The following NDC1 variants were observed in gnomAD, a reference collection of about 807,000 sequenced individuals.
NDC1 encodes NDC1 transmembrane nucleoporin.
Under a neutral mutation model 89.8 loss-of-function variants are expected in NDC1, and 24 were observed. That is an observed-to-expected ratio of 0.27 (90% CI 0.19 to 0.38). The LOEUF is 0.38. Among genes scored for constraint, NDC1 ranks in the 10% least tolerant of loss-of-function variants. The pLI, the probability that NDC1 is intolerant of heterozygous loss-of-function variation, is 1.00. For synonymous variants in NDC1, 296 were observed against 284.8 expected (o/e 1.04, Z -0.39); for missense variants, 728 against 797.6 (o/e 0.91, Z 1.05).
In NDC1 at chr1:53,827,794, T is replaced by C. The variant is rs2064458; in HGVS notation, c.455+205A>G. On this transcript the variant is annotated intron_variant, in intron 4 of 17. Coordinates refer to ENST00000371429, the MANE Select transcript of NDC1 (RefSeq NM_018087.5). ...ATAGTCTATGTTTGAGTCACTCTCA[T>C]AAATCGCATAGCACCTTGCACATAA... Among the ~76,000 whole-genome samples, 98 of 152,340 alleles carry C rather than the reference T, an allele frequency of 6.4e-4. 1 individual carries two copies. The highest frequency in any genetic ancestry group is 2.2e-3 in the African/African-American group (93 of 41,576).
At chr1:53,807,574 G>T in intron 8 of NDC1, 82 bp downstream of exon 8, 1 of 1,203,242 alleles carries the variant, frequency 8.3e-7, no homozygotes, top group Non-Finnish European at 1.2e-6. Flanking sequence ...TTTTGCGTGT[G>T]CTGATCAGTG....
At chr1:53,816,413 T>C (rs1312061305) in intron 6 of NDC1, among the ~76,000 whole-genome samples, 1 of 152,160 alleles carries the variant, frequency 6.6e-6, no homozygotes, top group African/African-American at 2.4e-5. Flanking sequence ...AGAATGAAAC[T>C]GGATCCTCAT....
chr1:53,803,091 GCT>G (rs1647975993), intron 10 of NDC1, among the ~76,000 whole-genome samples: 1 of 151,988 alleles, frequency 6.6e-6, no homozygotes, highest in African/African-American at 2.4e-5. Flanking sequence ...AGGGGGACAG[GCT>G]CTCACTTTGT....
At chr1:53,802,147 C>T (rs760185406) in intron 10 of NDC1, among the ~76,000 whole-genome samples, 1 of 152,088 alleles carries the variant, frequency 6.6e-6, no homozygotes, top group Non-Finnish European at 1.5e-5. Flanking sequence ...GTATAGAATT[C>T]CTATGTTAAC....
chr1:53,785,647 A>G (rs1011819078), intron 16 of NDC1, among the ~76,000 whole-genome samples: 3 of 152,142 alleles, frequency 2.0e-5, no homozygotes, highest in Admixed American at 1.3e-4. Context: ...ATCTTGGCTC[A>G]CTGCAACCTC....
In NDC1 at chr1:53,814,067, T is replaced by G. The variant is rs548737296; in HGVS notation, c.704-4321A>C. Among the ~76,000 whole-genome samples, 3 of 152,196 alleles carry G rather than the reference T, an allele frequency of 2.0e-5. No homozygotes were observed. The South Asian group carries it at 6.2e-4, about 32-fold the overall frequency. ...TAAATCAAGATGGAAATTAAAAAAT[T>G]TTTTGGCTGGGCGCAGTGGCTCATG... On this transcript the variant is annotated intron_variant, in intron 6 of 17. Transcript: ENST00000371429.
intron 1 of NDC1, among the ~76,000 whole-genome samples, chr1:53,836,656 T>C (rs1170413190): frequency 6.6e-6 from 1 of 151,846 alleles, no homozygotes; most frequent in African/African-American, 2.4e-5. Context: ...CCACCACACC[T>C]GACTAATTTT....
chr1:53,782,599 G>A (rs1164830384), intron 16 of NDC1, among the ~76,000 whole-genome samples: 6 of 152,230 alleles, frequency 3.9e-5, no homozygotes, highest in African/African-American at 1.4e-4. Flanking sequence ...ACATGAAACG[G>A]CTGTGCCTGG....
intron 13 of NDC1, 62 bp from the exon 14 acceptor site, chr1:53,793,341 C>A: frequency 2.3e-6 from 3 of 1,301,166 alleles, no homozygotes; most frequent in Non-Finnish European, 3.3e-6. Flanking sequence ...AAATATAACA[C>A]ATTTCCTAGT....
chr1:53,795,467 G>T (rs1240133241), intron 13 of NDC1, among the ~76,000 whole-genome samples: 1 of 151,976 alleles, frequency 6.6e-6, no homozygotes, highest in Non-Finnish European at 1.5e-5. Context: ...TCAAACTCCT[G>T]ATTTCCCTCC....
In NDC1 at chr1:53,793,284, G is replaced by T; in HGVS notation, c.1585-5C>A. ...TTTTGACAAGAAATTCTTAATCTGA[G>T]TTGGAAAAAAGGAAGAATTAACACA... On this transcript the variant is annotated splice_region_variant and splice_polypyrimidine_tract_variant and intron_variant, in intron 13 of 17. Transcript: ENST00000371429. 1.2e-6 allele frequency: 2 copies of T among 1,604,574 alleles called. No homozygotes were observed. The highest frequency in any genetic ancestry group is 1.7e-6 in the Non-Finnish European group (2 of 1,171,678).
chr1:53,830,637 G>A (rs1206812301), intron 3 of NDC1, among the ~76,000 whole-genome samples: 2 of 152,110 alleles, frequency 1.3e-5, no homozygotes, highest in South Asian at 2.1e-4. Flanking sequence ...GAGGCAGGCC[G>A]ATCACCTGAG....
At chr1:53,772,973 T>C (rs1647132055) in intron 16 of NDC1, among the ~76,000 whole-genome samples, 1 of 151,884 alleles carries the variant, frequency 6.6e-6, no homozygotes, top group African/African-American at 2.4e-5. Context: ...AAATCCAGAC[T>C]TGCCCTTGGA....
intron 6 of NDC1, among the ~76,000 whole-genome samples, chr1:53,813,954 G>C (rs937539581): frequency 6.6e-6 from 1 of 152,138 alleles, no homozygotes; most frequent in African/African-American, 2.4e-5. Flanking sequence ...GAATAAAACT[G>C]GAAATCAACT....
At chr1:53,781,816 G>A (rs1435678846) in intron 16 of NDC1, among the ~76,000 whole-genome samples, 1 of 152,036 alleles carries the variant, frequency 6.6e-6, no homozygotes, top group South Asian at 2.1e-4. Context: ...ACAAAAAGAT[G>A]GTTTGGGAGC....
At chr1:53,780,944 C>T (rs2100629638) in intron 16 of NDC1, among the ~76,000 whole-genome samples, 1 of 151,854 alleles carries the variant, frequency 6.6e-6, no homozygotes, top group East Asian at 1.9e-4. Flanking sequence ...GCCTCAAATT[C>T]CTGAGCTTAA....
At chr1:53,777,393 G>T (rs898338388) in intron 16 of NDC1, among the ~76,000 whole-genome samples, 18 of 152,018 alleles carry the variant, frequency 1.2e-4, no homozygotes, top group Admixed American at 3.9e-4. Context: ...AAGAATAAAG[G>T]TCATAAAATA....
At chr1:53,827,978 G>A in intron 4 of NDC1, 21 bp downstream of exon 4, 1 of 1,562,534 alleles carries the variant, frequency 6.4e-7, no homozygotes, top group Non-Finnish European at 8.7e-7. Flanking sequence ...GATTCCTAAG[G>A]AAATATATAT....
chr1:53,779,223 C>A (rs769163170), intron 16 of NDC1, among the ~76,000 whole-genome samples: 25 of 151,786 alleles, frequency 1.6e-4, no homozygotes, highest in Non-Finnish European at 3.1e-4. Flanking sequence ...GTCACACATG[C>A]CAAGGGCCTT....
Sources: allele counts gnomAD v4.1 joint callset (sites outside exome capture counted in the v4.1 genomes callset), GRCh38; gene constraint gnomAD v4.1.1; transcripts MANE v1.5; gene names NCBI Gene and HGNC (gene_info 2026-07-23, HGNC 2026-07-21).